The following SCN11A variants were observed in gnomAD, a reference collection of about 807,000 sequenced individuals.
The protein encoded by SCN11A is sodium voltage-gated channel alpha subunit 11.
SCN11A carries 122 observed loss-of-function variants against 162.2 expected under a neutral mutation model. The ratio of observed to expected loss-of-function variants is 0.75; its 90% CI spans 0.65 to 0.87. SCN11A has a LOEUF of 0.87. SCN11A is among the 40% of genes least tolerant of loss of function. The pLI is 0.00. For missense variants in SCN11A, 2,015 were observed against 2,181.6 expected (o/e 0.92, Z 1.52); for synonymous variants, 758 against 751.5 (o/e 1.01, Z -0.14).
chr3:38,936,809 T>G (rs1012377656), intron 7 of SCN11A, among the ~76,000 whole-genome samples: 7 of 152,198 alleles, frequency 4.6e-5, no homozygotes, highest in African/African-American at 9.7e-5. Flanking sequence ...AGGTAAGTTA[T>G]AGATTCAATG....
At chr3:38,905,068 A>T in intron 15 of SCN11A, 124 bp downstream of exon 15, 2 of 1,226,428 alleles carry the variant, frequency 1.6e-6, no homozygotes, top group Non-Finnish European at 2.4e-6. Context: ...TCTTTGCAGG[A>T]TGGTACAGTG....
At chr3:38,965,990 T>C (rs1056477402) in intron 2 of SCN11A, among the ~76,000 whole-genome samples, 1 of 150,984 alleles carries the variant, frequency 6.6e-6, no homozygotes, top group African/African-American at 2.5e-5. Context: ...TTAAAAAAAA[T>C]TAAAAAAAAA....
intron 20 of SCN11A, 118 bp downstream of exon 20, chr3:38,886,007 A>G: frequency 3.1e-6 from 2 of 653,810 alleles, no homozygotes; most frequent in Non-Finnish European, 5.3e-6. Context: ...ACTTTTGCTC[A>G]AAACTCGATT....
chr3:38,896,913 C>T lies in SCN11A; in HGVS notation c.2335G>A (p.Glu779Lys). 6.2e-7 allele frequency: 1 copy of T among 1,612,906 alleles called. No homozygotes were observed. The highest frequency in any genetic ancestry group is 8.5e-7 in the Non-Finnish European group (1 of 1,179,840). Reference sequence around the variant, plus strand: ...CACAATGATGATGATGCATTCGCTTCTTGCATACATTCCCACATATTTTCG... The same window carrying T: ...CACAATGATGATGATGCATTCGCTTTTTGCATACATTCCCACATATTTTCG... ...WIENMWECMQ[E>K]ANASSSLCVI... Residue 779 changes from glutamate (E) to lysine (K), a missense_variant, in exon 18 of 30, where the codon GAA becomes AAA. By Grantham distance (56) the Glu-to-Lys change is moderately conservative (BLOSUM62 1). Transcript: ENST00000302328.
chr3:38,902,941 A>G (rs1159293303), intron 16 of SCN11A, among the ~76,000 whole-genome samples: 2 of 152,216 alleles, frequency 1.3e-5, no homozygotes, highest in Non-Finnish European at 2.9e-5. Flanking sequence ...ACATACATAC[A>G]TGCTTACATA....
chr3:38,861,597 C>T (rs1008677729), intron 28 of SCN11A, among the ~76,000 whole-genome samples: 2 of 152,128 alleles, frequency 1.3e-5, no homozygotes, highest in East Asian at 3.8e-4. Context: ...CAAATAGTTA[C>T]AGCCAATTGA....
intron 1 of SCN11A, among the ~76,000 whole-genome samples, chr3:39,045,826 T>A (rs2032168844): frequency 6.6e-6 from 1 of 152,176 alleles, no homozygotes; most frequent in Admixed American, 6.5e-5. Flanking sequence ...ATAAAGGGCA[T>A]CTAAGCTGGA....
At chr3:38,940,083 T>C (rs2066419466) in intron 7 of SCN11A, among the ~76,000 whole-genome samples, 1 of 150,704 alleles carries the variant, frequency 6.6e-6, no homozygotes, top group Admixed American at 6.6e-5. Context: ...TATAGTTTTA[T>C]ATAACAAGGC....
At chr3:39,038,554 T>C (rs769129449) in intron 1 of SCN11A, among the ~76,000 whole-genome samples, 2 of 152,220 alleles carry the variant, frequency 1.3e-5, no homozygotes, top group Non-Finnish European at 2.9e-5. Context: ...ACTTAAAATA[T>C]TGCAATTTTC....
intron 23 of SCN11A, among the ~76,000 whole-genome samples, chr3:38,872,909 A>G (rs185700512): frequency 3.5e-4 from 53 of 152,264 alleles, no homozygotes; most frequent in African/African-American, 1.3e-3. Flanking sequence ...TTCCTGCAAC[A>G]TTTTTCTTAG....
At chr3:38,872,932 T>C (rs2065152882) in intron 23 of SCN11A, among the ~76,000 whole-genome samples, 1 of 152,158 alleles carries the variant, frequency 6.6e-6, no homozygotes, top group Admixed American at 6.6e-5. Flanking sequence ...TGAAATGATA[T>C]CAAAATAAAA....
chr3:38,998,547 C>T (rs984487697), intron 2 of SCN11A, among the ~76,000 whole-genome samples: 2 of 152,096 alleles, frequency 1.3e-5, no homozygotes, highest in African/African-American at 4.8e-5. Context: ...ACCCAGTCAT[C>T]CATTACTGGG....
At chr3:38,861,205 A>C (rs999089147) in intron 28 of SCN11A, among the ~76,000 whole-genome samples, 3 of 152,172 alleles carry the variant, frequency 2.0e-5, no homozygotes, top group African/African-American at 7.2e-5. Context: ...AGATCTCTAC[A>C]GGGAAAACTA....
At chr3:38,995,797 T>TTGTCTATCTATCTATTTATC (rs2030608400) in intron 2 of SCN11A, among the ~76,000 whole-genome samples, 2 of 108,508 alleles carry the variant, frequency 1.8e-5, no homozygotes, top group African/African-American at 9.0e-5. Flanking sequence ...TCACAATAAA[T>TTGTCTATCTATCTATTTATC]TGTCTATCTA....
At chr3:38,990,999 C>A (rs1048589163) in intron 2 of SCN11A, among the ~76,000 whole-genome samples, 1 of 152,074 alleles carries the variant, frequency 6.6e-6, no homozygotes, top group African/African-American at 2.4e-5. Context: ...ATCTTTCTTC[C>A]GTCTCCTGGG....
chr3:38,990,355 G>C (rs1222366007), intron 2 of SCN11A, among the ~76,000 whole-genome samples: 1 of 152,120 alleles, frequency 6.6e-6, no homozygotes, highest in Non-Finnish European at 1.5e-5. Context: ...CTGCATTCCT[G>C]ACCCAAATCT....
intron 27 of SCN11A, among the ~76,000 whole-genome samples, chr3:38,866,331 G>T (rs886094745): frequency 6.6e-6 from 1 of 151,742 alleles, no homozygotes; most frequent in African/African-American, 2.4e-5. Flanking sequence ...CAATTCTCCT[G>T]CCTCAGCCTC....
intron 7 of SCN11A, among the ~76,000 whole-genome samples, chr3:38,927,431 A>T (rs1004551059): frequency 6.6e-6 from 1 of 151,934 alleles, no homozygotes; most frequent in Non-Finnish European, 1.5e-5. Context: ...ACTCCCAATG[A>T]CATTTTTTAC....
At chr3:38,879,044 C>T (rs1445848116) in intron 23 of SCN11A, among the ~76,000 whole-genome samples, 1 of 152,068 alleles carries the variant, frequency 6.6e-6, no homozygotes, top group African/African-American at 2.4e-5. Flanking sequence ...TGTCCATCTA[C>T]TATGTATCAG....
Sources: gnomAD v4.1 joint callset for allele counts (sites outside exome capture counted in the v4.1 genomes callset) on GRCh38, gnomAD v4.1.1 for gene constraint, MANE v1.5 for transcripts, NCBI Gene and HGNC (gene_info 2026-07-23, HGNC 2026-07-21) for gene names.